Variants in ENOX1 observed in about 807,000 individuals in gnomAD.
The protein encoded by ENOX1 is ecto-NOX disulfide-thiol exchanger 1.
In ENOX1, 42 loss-of-function variants were observed where a neutral mutation model predicts 82.5. The ratio of observed to expected loss-of-function variants is 0.51; its 90% CI spans 0.40 to 0.66. The LOEUF (loss-of-function observed/expected upper bound fraction) is 0.66, where lower values mean the gene tolerates loss of function less well. Among genes scored for constraint, ENOX1 ranks in the 30% least tolerant of loss-of-function variants. The pLI, the probability that ENOX1 is intolerant of heterozygous loss-of-function variation, is 0.00. For synonymous variants in ENOX1, 271 were observed against 282.2 expected, an observed-to-expected ratio of 0.96 and a Z score of 0.40; for missense variants, 608 against 811.6, an observed-to-expected ratio of 0.75 and a Z score of 3.05.
intron 1 of ENOX1, among the ~76,000 whole-genome samples, chr13:43,751,564 C>T (rs539983427): frequency 4.6e-5 from 7 of 152,234 alleles, no homozygotes; most frequent in South Asian, 2.1e-4. Context: ...CCCCAGGGAA[C>T]GACTGATCTG....
chr13:43,662,586 C>G (rs905959670), intron 2 of ENOX1, among the ~76,000 whole-genome samples: 4 of 152,172 alleles, frequency 2.6e-5, no homozygotes, highest in African/African-American at 4.8e-5. Context: ...GACAATTATT[C>G]TTCCCTCTAA....
Position 43,672,136 on chromosome 13 carries a change from T to C in ENOX1, c.-284-4592A>G, listed in dbSNP as rs1171949081. On this transcript the variant is annotated intron_variant, in intron 1 of 16. Transcript: ENST00000690772. The stretch of plus-strand genomic sequence containing the variant: ...AGCTTCCTGTTAACCTTCAACTCCA[T>C]TGCCCCCTCAGACTTGAGCCAGTTT... Among the ~76,000 whole-genome samples the C allele has an allele frequency of 2.6e-5, 4 of 152,092 alleles. No individual in the cohort carries two copies. The South Asian group carries it at 6.2e-4, about 24-fold the overall frequency.
intron 1 of ENOX1, among the ~76,000 whole-genome samples, chr13:43,694,996 C>T (rs559232015): frequency 3.9e-5 from 6 of 152,216 alleles, no homozygotes; most frequent in Non-Finnish European, 8.8e-5. Flanking sequence ...CTGTTTCTTG[C>T]GACGATAGAA....
chr13:43,786,362 G>A lies in ENOX1; in HGVS notation c.-285+290C>T, dbSNP rs1202857056. ...AGCCCGGAGCTGACACTGGCTGGCGGGCGGAGGGGAGAGCGGGGAACAGCT... is the reference window on the plus strand; with the variant it reads ...AGCCCGGAGCTGACACTGGCTGGCGAGCGGAGGGGAGAGCGGGGAACAGCT... On this transcript the variant is annotated intron_variant, in intron 1 of 16. Transcript: ENST00000690772. The surrounding 1 kb of genome is among the most constrained non-coding windows in gnomAD (Gnocchi z 6.0). 6.6e-6 allele frequency among the ~76,000 whole-genome samples: 1 copy of A among 151,946 alleles called. No homozygotes were observed. The highest frequency in any genetic ancestry group is 2.4e-5 in the African/African-American group (1 of 41,360).
At chr13:43,333,106 C>T (rs560043200) in intron 9 of ENOX1, among the ~76,000 whole-genome samples, 4 of 152,162 alleles carry the variant, frequency 2.6e-5, no homozygotes, top group Non-Finnish European at 5.9e-5. Context: ...GAAATCTATT[C>T]ATATGTATGT....
intron 2 of ENOX1, among the ~76,000 whole-genome samples, chr13:43,488,231 C>T (rs1718807758): frequency 6.6e-6 from 1 of 152,118 alleles, no homozygotes; most frequent in Non-Finnish European, 1.5e-5. Flanking sequence ...GATGATTAGG[C>T]CATGAGGACT....
At chr13:43,264,675 G>A (rs974833122) in intron 14 of ENOX1, among the ~76,000 whole-genome samples, 1 of 152,136 alleles carries the variant, frequency 6.6e-6, no homozygotes, top group African/African-American at 2.4e-5. Context: ...TTTCTTTGAT[G>A]AGGATAATCA....
chr13:43,550,096 A>G (rs2079127776), intron 2 of ENOX1, among the ~76,000 whole-genome samples: 1 of 152,134 alleles, frequency 6.6e-6, no homozygotes, highest in East Asian at 1.9e-4. Context: ...TCTCGCTTCT[A>G]TGAGAATCTA....
At position 43,460,447 on chromosome 13, in the gene ENOX1, A is replaced by G. The variant is rs1042055276; in HGVS notation, c.-75+23562T>C. 6.4e-4 allele frequency among the ~76,000 whole-genome samples: 97 copies of G among 152,090 alleles called. 4 individuals are homozygous for G. Among genetic ancestry groups the G allele is most frequent in the African/African-American group, 4.8e-5 (2 of 41,412 alleles). ...AAGTGTGTTGGTAGTAGGATGGCCA[A>G]CTGTCCTGGTTTGCCCAGTAATAAG... On this transcript the variant is annotated intron_variant, in intron 3 of 16. Coordinates refer to ENST00000690772, the MANE Select transcript of ENOX1 (RefSeq NM_001347969.2).
intron 1 of ENOX1, among the ~76,000 whole-genome samples, chr13:43,699,759 T>A (rs2086816851): frequency 6.6e-6 from 1 of 152,212 alleles, no homozygotes; most frequent in Admixed American, 6.5e-5. Context: ...TGTTTTAAAG[T>A]CTGCACTTCC....
At chr13:43,461,409 T>C (rs139722749) in intron 3 of ENOX1, among the ~76,000 whole-genome samples, 1,674 of 152,364 alleles carry the variant, frequency 0.011, 23 homozygotes, top group Non-Finnish European at 0.016. Flanking sequence ...TCCCTTGTCA[T>C]GTTTGTATTC....
In ENOX1 at chr13:43,412,907, T is replaced by C; in HGVS notation, c.8A>G (p.Asp3Gly). MV[D>G]AGGVENITQL... ...GGTGATGTTCTCAACTCCACCTGCA[T>C]CTACCATTGAATTATGAGTGTCCAG... The change falls in exon 4 of 17, where the codon GAT (aspartate) becomes GGT (glycine). Residue 3 changes from aspartate (D) to glycine (G), a missense_variant. Physicochemically the swap from Asp to Gly is moderately conservative, Grantham distance 94 (BLOSUM62 -1). Coordinates refer to ENST00000690772, the MANE Select transcript of ENOX1 (RefSeq NM_001347969.2). The C allele has an allele frequency of 6.2e-7, 1 of 1,614,082 alleles. No homozygotes were observed.
At chr13:43,499,804 ATTATC>A (rs2076918453) in intron 2 of ENOX1, among the ~76,000 whole-genome samples, 1 of 152,078 alleles carries the variant, frequency 6.6e-6, no homozygotes, top group South Asian at 2.1e-4. Flanking sequence ...AATTCAAACA[ATTATC>A]TTAAAGAAGC....
At chr13:43,381,565 A>AGTGAT (rs2052049723) in intron 5 of ENOX1, among the ~76,000 whole-genome samples, 1 of 151,666 alleles carries the variant, frequency 6.6e-6, no homozygotes, top group Admixed American at 6.6e-5. Context: ...TAGAAAAACT[A>AGTGAT]TAGAGAAAAT....
chr13:43,595,910 A>C (rs2081449953), intron 2 of ENOX1, among the ~76,000 whole-genome samples: 1 of 151,422 alleles, frequency 6.6e-6, no homozygotes, highest in East Asian at 2.0e-4. Flanking sequence ...AGACCATTTT[A>C]AATTCTGTAG....
intron 5 of ENOX1, among the ~76,000 whole-genome samples, chr13:43,385,909 T>A (rs1050589389): frequency 6.5e-4 from 99 of 152,170 alleles, no homozygotes; most frequent in Non-Finnish European, 1.3e-3. Flanking sequence ...CCCATACCTG[T>A]AATCCCAGCA....
chr13:43,647,641 C>T (rs1293954337), intron 2 of ENOX1, among the ~76,000 whole-genome samples: 4 of 152,202 alleles, frequency 2.6e-5, no homozygotes, highest in Non-Finnish European at 4.4e-5. Flanking sequence ...TTGACTATCC[C>T]TATACCCCCT....
chr13:43,265,700 G>A (rs557440983), intron 13 of ENOX1, among the ~76,000 whole-genome samples: 2 of 152,274 alleles, frequency 1.3e-5, no homozygotes, highest in African/African-American at 4.8e-5. Flanking sequence ...TAAATAATAA[G>A]ATTAGAAAGC....
At chr13:43,766,507 A>G (rs1951277523) in intron 1 of ENOX1, among the ~76,000 whole-genome samples, 1 of 152,126 alleles carries the variant, frequency 6.6e-6, no homozygotes, top group Non-Finnish European at 1.5e-5. Context: ...AAGCACCACA[A>G]TCGTCCCAGC....
Sources: allele counts gnomAD v4.1 joint callset (sites outside exome capture counted in the v4.1 genomes callset), GRCh38; gene constraint gnomAD v4.1.1; non-coding constraint Gnocchi (gnomAD v3.1); transcripts MANE v1.5; gene names NCBI Gene and HGNC (gene_info 2026-07-23, HGNC 2026-07-21).